The following NHSL1 variants were observed in gnomAD, a reference collection of about 807,000 sequenced individuals.
NHSL1 encodes the protein NHS-like protein 1.
A neutral mutation model predicts 95.0 loss-of-function variants in NHSL1; 48 were observed. The observed-to-expected ratio is 0.51, with a 90% CI of 0.40 to 0.64. NHSL1 has a LOEUF of 0.64. Ranked by LOEUF, NHSL1 falls within the 30% of genes least tolerant of loss-of-function variation. The pLI is 0.00. For synonymous variants in NHSL1, 783 were observed against 833.9 expected (o/e 0.94, Z 1.05); for missense variants, 1,971 against 2,077.7 (o/e 0.95, Z 1.00).
At chr6:138,477,577 T>C (rs990228075) in intron 2 of NHSL1, among the ~76,000 whole-genome samples, 1 of 152,230 alleles carries the variant, frequency 6.6e-6, no homozygotes, top group Non-Finnish European at 1.5e-5. Flanking sequence ...CACTCCAGCC[T>C]GGGAGACAGA....
chr6:138,440,309 A>T (rs964089614), intron 5 of NHSL1, among the ~76,000 whole-genome samples: 1 of 152,200 alleles, frequency 6.6e-6, no homozygotes, highest in African/African-American at 2.4e-5. Flanking sequence ...GTCTGAAAGA[A>T]TAAGGCATAA....
chr6:138,487,372 C>A (rs908215221), intron 2 of NHSL1, among the ~76,000 whole-genome samples: 1 of 152,212 alleles, frequency 6.6e-6, no homozygotes, highest in Non-Finnish European at 1.5e-5. Context: ...ATAAGCTAGT[C>A]ATACATACAT....
At chr6:138,521,813 G>A (rs1781694879) in intron 1 of NHSL1, among the ~76,000 whole-genome samples, 1 of 152,108 alleles carries the variant, frequency 6.6e-6, no homozygotes, top group South Asian at 2.1e-4. Flanking sequence ...TCATAACAGA[G>A]GTCAGGGCGG....
At chr6:138,670,026 C>T (rs912945863) in intron 1 of NHSL1, among the ~76,000 whole-genome samples, 3 of 152,132 alleles carry the variant, frequency 2.0e-5, no homozygotes, top group Admixed American at 6.5e-5. Flanking sequence ...GAGACTGAGG[C>T]AGGAGAACTG....
intron 1 of NHSL1, among the ~76,000 whole-genome samples, chr6:138,649,830 A>G (rs1028253574): frequency 1.3e-5 from 2 of 152,184 alleles, no homozygotes; most frequent in South Asian, 2.1e-4. Flanking sequence ...GCTGACCTAC[A>G]GGATGGGCTC....
At chr6:138,484,918 G>T (rs1779629888) in intron 2 of NHSL1, among the ~76,000 whole-genome samples, 1 of 152,124 alleles carries the variant, frequency 6.6e-6, no homozygotes. Context: ...ATTTCTTCTT[G>T]TCACATGCCC....
At chr6:138,530,168 C>A (rs143266318) in intron 1 of NHSL1, among the ~76,000 whole-genome samples, 8 of 152,068 alleles carry the variant, frequency 5.3e-5, no homozygotes, top group African/African-American at 1.9e-4. Context: ...GAGTGGAGAC[C>A]CCATGAATGG....
intron 1 of NHSL1, among the ~76,000 whole-genome samples, chr6:138,594,881 C>T (rs1263841201): frequency 6.6e-6 from 1 of 152,182 alleles, no homozygotes; most frequent in Non-Finnish European, 1.5e-5. Context: ...AAGGAGTGCA[C>T]CACAAAATCG....
At chr6:138,617,041 T>C (rs1488622587) in intron 1 of NHSL1, among the ~76,000 whole-genome samples, 4 of 152,208 alleles carry the variant, frequency 2.6e-5, no homozygotes, top group Non-Finnish European at 5.9e-5. Flanking sequence ...GGTTACTGTC[T>C]ATTTGGGAAG....
At chr6:138,524,632 T>G (rs1230901286) in intron 1 of NHSL1, among the ~76,000 whole-genome samples, 1 of 152,178 alleles carries the variant, frequency 6.6e-6, no homozygotes, top group African/African-American at 2.4e-5. Flanking sequence ...TTAGGAATAG[T>G]GCACTATGAA....
intron 1 of NHSL1, among the ~76,000 whole-genome samples, chr6:138,673,558 G>C (rs1168197799): frequency 1.3e-5 from 2 of 151,970 alleles, no homozygotes; most frequent in South Asian, 4.1e-4. Flanking sequence ...AAGTCTAAAG[G>C]CTCTCACTGA....
intron 1 of NHSL1, among the ~76,000 whole-genome samples, chr6:138,631,724 A>T (rs1286671518): frequency 1.3e-5 from 2 of 152,120 alleles, no homozygotes; most frequent in Non-Finnish European, 2.9e-5. Context: ...CCTAGGTACT[A>T]CCTCAAGGGC....
At chr6:138,553,408 C>G (rs1185424679) in intron 1 of NHSL1, among the ~76,000 whole-genome samples, 1 of 152,214 alleles carries the variant, frequency 6.6e-6, no homozygotes, top group Admixed American at 6.5e-5. Flanking sequence ...CATGGCACTT[C>G]ATTCACGTGG....
chr6:138,458,482 C>A (rs58173247), intron 3 of NHSL1, among the ~76,000 whole-genome samples: 11,898 of 151,912 alleles, frequency 0.078, 1,357 homozygotes, highest in African/African-American at 0.25. Context: ...ACTTGAGGTC[C>A]GGGGGTTCGA....
intron 1 of NHSL1, among the ~76,000 whole-genome samples, chr6:138,651,307 A>C (rs771616109): frequency 2.6e-5 from 4 of 152,208 alleles, no homozygotes; most frequent in Non-Finnish European, 4.4e-5. Flanking sequence ...AAACTCACAA[A>C]ATAAATTTTG....
chr6:138,503,421 G>A (rs190281383), upstream of NHSL1, among the ~76,000 whole-genome samples: 988 of 152,106 alleles, frequency 6.5e-3, 4 homozygotes, highest in Non-Finnish European at 7.7e-3. Context: ...GGCCAAATCC[G>A]GCCATTAAAT....
upstream of NHSL1, among the ~76,000 whole-genome samples, chr6:138,576,030 C>A (rs1783966021): frequency 6.6e-6 from 1 of 151,944 alleles, no homozygotes; most frequent in Admixed American, 6.5e-5. Flanking sequence ...CTCACTCTGT[C>A]ACTCAGGCCA....
intron 3 of NHSL1, among the ~76,000 whole-genome samples, chr6:138,456,279 C>A (rs2128229018): frequency 6.6e-6 from 1 of 152,308 alleles, no homozygotes; most frequent in South Asian, 2.1e-4. Flanking sequence ...TATCCAAGGC[C>A]ACTGAGCTCT....
At chr6:138,459,084 C>T (rs971546499) in intron 3 of NHSL1, among the ~76,000 whole-genome samples, 1 of 152,090 alleles carries the variant, frequency 6.6e-6, no homozygotes, top group African/African-American at 2.4e-5. Flanking sequence ...GCAACCTCCA[C>T]CTCCTGGGTT....
Sources: allele counts gnomAD v4.1 joint callset (sites outside exome capture counted in the v4.1 genomes callset), GRCh38; gene constraint gnomAD v4.1.1; transcripts MANE v1.5; gene names NCBI Gene and HGNC (gene_info 2026-07-23, HGNC 2026-07-21).